Variants in ZNF428 observed in about 807,000 individuals in gnomAD.
ZNF428 encodes the protein zinc finger protein 428.
A neutral mutation model predicts 15.6 loss-of-function variants in ZNF428; 5 were observed. That is an observed-to-expected ratio of 0.32 (90% CI 0.17 to 0.67). The LOEUF (loss-of-function observed/expected upper bound fraction) is 0.67. Ranked by LOEUF, ZNF428 falls within the 30% of genes least tolerant of loss-of-function variation. ZNF428 has a pLI of 0.73. For missense variants in ZNF428, 237 were observed against 256.0 expected, an observed-to-expected ratio of 0.93 and a Z score of 0.51; for synonymous variants, 97 against 102.2, an observed-to-expected ratio of 0.95 and a Z score of 0.31.
chr19:43,613,270 C>T (rs1973324390), intron 2 of ZNF428: 1 of 1,551,430 alleles, frequency 6.4e-7, no homozygotes, highest in Admixed American at 2.0e-5. Flanking sequence ...CTAGCAGCCC[C>T]AGGAAGGAGA....
chr19:43,614,474 A>T (rs1973352148), intron 1 of ZNF428, 40 bp from the exon 2 acceptor site: 2 of 1,424,618 alleles, frequency 1.4e-6, no homozygotes, highest in African/African-American at 1.4e-5. Context: ...TGATTCAATA[A>T]ATTTTTACAT....
intron 1 of ZNF428, among the ~76,000 whole-genome samples, chr19:43,616,267 T>C (rs1284316835): frequency 2.6e-5 from 4 of 152,002 alleles, no homozygotes; most frequent in Non-Finnish European, 4.4e-5. Context: ...GGAAGTATTT[T>C]AATATTTAAA....
Position 43,607,732 on chromosome 19 carries a change from T to A in ZNF428, c.452A>T (p.Glu151Val), listed in dbSNP as rs780076953. The change falls in exon 3 of 3, where the codon GAG becomes GTG. Residue 151 changes from glutamate (E) to valine (V), a missense_variant. Coordinates refer to ENST00000300811, the MANE Select transcript of ZNF428 (RefSeq NM_182498.4). The surrounding 1 kb of genome is among the most constrained non-coding windows in gnomAD (Gnocchi z 5.1). Reference protein sequence around the residue: ...AGEGRPAGREEEEEEEEEGTY... With the variant: ...AGEGRPAGREVEEEEEEEGTY... ...TCCCTCCTCCTCCTCTTCCTCCTCC[T>A]CCTCCCGCCCAGCTGGTCGGCCCTC... is the stretch of plus-strand genomic sequence containing the variant. 1 of 1,613,242 alleles carries A rather than the reference T, an allele frequency of 6.2e-7. No individual in the cohort carries two copies.
intron 1 of ZNF428, among the ~76,000 whole-genome samples, chr19:43,619,109 A>G (rs1973407816): frequency 1.3e-5 from 2 of 152,270 alleles, no homozygotes; most frequent in South Asian, 4.2e-4. Context: ...TGCTCGAGCA[A>G]AGAGACCAGG....
chr19:43,610,334 G>C (rs1410522872), intron 2 of ZNF428, among the ~76,000 whole-genome samples: 1 of 151,768 alleles, frequency 6.6e-6, no homozygotes, highest in African/African-American at 2.4e-5. Flanking sequence ...CAAGTAACTG[G>C]GATTACAGGG....
chr19:43,614,077 G>C, intron 2 of ZNF428, 152 bp downstream of exon 2: 1 of 1,561,248 alleles, frequency 6.4e-7, no homozygotes, highest in South Asian at 1.2e-5. Context: ...GTCCCGACTG[G>C]AAGAGATCCC....
intron 1 of ZNF428, among the ~76,000 whole-genome samples, chr19:43,618,007 G>T (rs1036011693): frequency 6.7e-6 from 1 of 149,172 alleles, no homozygotes; most frequent in African/African-American, 2.5e-5. Context: ...GACTACAGGC[G>T]CGTGCCACCA....
At position 43,607,776 on chromosome 19, in the gene ZNF428, C is replaced by CTCCTCT; in HGVS notation, c.402_407dup (p.Glu136_Glu137dup). 1 of 1,599,564 alleles carries CTCCTCT rather than the reference C, an allele frequency of 6.3e-7. No homozygotes were observed. The highest frequency in any genetic ancestry group is 1.3e-5 in the African/African-American group (1 of 74,472). ...GGCCCTCCCCAGCCCGAGGTGGTTC[C>CTCCTCT]TCCTCTTCCTCCCCGAGGGCCCTGC... is the stretch of plus-strand genomic sequence containing the variant. On this transcript the variant is annotated inframe_insertion, in exon 3 of 3. Coordinates refer to ENST00000300811, the MANE Select transcript of ZNF428 (RefSeq NM_182498.4). This position sits in a 1 kb window ranked among gnomAD's most constrained non-coding sequence, Gnocchi z 5.1.
intron 1 of ZNF428, 121 bp downstream of exon 1, chr19:43,619,436 CG>C: frequency 6.6e-6 from 1 of 152,404 alleles, no homozygotes; most frequent in South Asian, 2.1e-4. Flanking sequence ...AAGAAGCCCT[CG>C]GGTCACCACG....
chr19:43,613,197 C>A, intron 2 of ZNF428: 1 of 1,551,602 alleles, frequency 6.4e-7, no homozygotes, highest in Non-Finnish European at 8.7e-7. Context: ...TCTAGAAACC[C>A]CAGCAAGGAA....
At chr19:43,613,153 T>A (rs2146118504) in intron 2 of ZNF428, 2 of 1,551,442 alleles carry the variant, frequency 1.3e-6, no homozygotes, top group Middle Eastern at 1.7e-4. Flanking sequence ...AAAACCAATC[T>A]AGAACCCCCA....
intron 2 of ZNF428, among the ~76,000 whole-genome samples, chr19:43,611,427 C>G (rs1973296137): frequency 6.6e-6 from 1 of 152,128 alleles, no homozygotes; most frequent in Non-Finnish European, 1.5e-5. Context: ...TCAAGCGATC[C>G]TCCCACCTCA....
chr19:43,613,967 G>A (rs1463056211), intron 2 of ZNF428: 1 of 1,551,738 alleles, frequency 6.4e-7, no homozygotes, highest in African/African-American at 1.4e-5. Flanking sequence ...CAAGGAGAAA[G>A]CTCATAGCCG....
At chr19:43,608,932 G>GA (rs1973267658) in intron 2 of ZNF428, among the ~76,000 whole-genome samples, 1 of 82,436 alleles carries the variant, frequency 1.2e-5, no homozygotes, top group Non-Finnish European at 2.4e-5. Flanking sequence ...TGCTGTCTTA[G>GA]AAAAAAGCAA....
rs750735378 is a variant in ZNF428, at chr19:43,612,374, C to T, written c.76+1855G>A. ...CCGGCCCAGCAGCAGGTCCCGAGTCCGCAGCAAAGCAAGAACACCCAGCAG... is the reference window on the plus strand; with the variant it reads ...CCGGCCCAGCAGCAGGTCCCGAGTCTGCAGCAAAGCAAGAACACCCAGCAG... On this transcript the variant is annotated intron_variant, in intron 2 of 2. Coordinates refer to ENST00000300811, the MANE Select transcript of ZNF428 (RefSeq NM_182498.4). The surrounding 1 kb of genome is among the most constrained non-coding windows in gnomAD (Gnocchi z 4.2). The T allele has an allele frequency of 2.1e-5, 32 of 1,551,548 alleles. No homozygotes were observed. The highest frequency in any genetic ancestry group is 1.7e-4 in the Middle Eastern group (1 of 6,014).
chr19:43,613,005 A>G (rs747852465), intron 2 of ZNF428: 1 of 1,551,604 alleles, frequency 6.4e-7, no homozygotes, highest in Admixed American at 2.0e-5. Flanking sequence ...AGTGGCAGTC[A>G]GAAGAGGACG....
intron 1 of ZNF428, among the ~76,000 whole-genome samples, chr19:43,618,555 CTTAATTT>C (rs1973397055): frequency 7.0e-6 from 1 of 142,640 alleles, no homozygotes; most frequent in Non-Finnish European, 1.5e-5. Context: ...CCATGCCAGG[CTTAATTT>C]TTACTTTTTT....
In ZNF428 at chr19:43,607,417, ACAC is replaced by A; in HGVS notation, c.*197_*199del. The A allele has an allele frequency of 2.1e-5, 1 of 46,800 alleles. No homozygotes were observed. The highest frequency in any genetic ancestry group is 4.5e-5 in the Non-Finnish European group (1 of 22,360). The allele number at this position is 46,800 out of a possible 1,614,324, so 2.9% of individuals were successfully genotyped here. ...CACAAACACACACACGGGCGGGAAT[ACAC>A]ACACACACACACACACTCTGAACCA... is the stretch of plus-strand genomic sequence containing the variant. On this transcript the variant is annotated 3_prime_UTR_variant, in exon 3 of 3. Transcript: ENST00000300811. This position sits in a 1 kb window ranked among gnomAD's most constrained non-coding sequence, Gnocchi z 5.1.
Position 43,612,740 on chromosome 19 carries a change from A to G in ZNF428, c.76+1489T>C, listed in dbSNP as rs1199779379. 7 of 1,551,528 alleles carry G rather than the reference A, an allele frequency of 4.5e-6. No homozygotes were observed. In the Admixed American group the frequency reaches 9.8e-5, roughly 22 times the overall value. On this transcript the variant is annotated intron_variant, in intron 2 of 2. Transcript: ENST00000300811. This position sits in a 1 kb window ranked among gnomAD's most constrained non-coding sequence, Gnocchi z 4.2. The stretch of plus-strand genomic sequence containing the variant: ...ACCAGGAGGCTCAGGTATAGGGAGG[A>G]GTTCCGAGCTGGCTGTAACTCCCAG...
Sources: allele counts gnomAD v4.1 joint callset (sites outside exome capture counted in the v4.1 genomes callset), GRCh38; gene constraint gnomAD v4.1.1; non-coding constraint Gnocchi (gnomAD v3.1); transcripts MANE v1.5; gene names NCBI Gene and HGNC (gene_info 2026-07-23, HGNC 2026-07-21).